The following SV2C variants were observed in gnomAD, a reference collection of about 807,000 sequenced individuals.
The protein encoded by SV2C is synaptic vesicle glycoprotein 2C.
Under a neutral mutation model 79.7 loss-of-function variants are expected in SV2C, and 49 were observed. The observed-to-expected ratio is 0.61, with a 90% confidence interval of 0.49 to 0.78. SV2C has a LOEUF of 0.78. Ranked by LOEUF, SV2C falls within the 30% of genes least tolerant of loss-of-function variation. The pLI, the probability that SV2C is intolerant of heterozygous loss-of-function variation, is 0.00. For synonymous variants in SV2C, 334 were observed against 333.2 expected (o/e 1.00, Z -0.03); for missense variants, 833 against 912.9 (o/e 0.91, Z 1.13).
In SV2C at chr5:76,297,428, G is replaced by A. The variant is rs547567142; in HGVS notation, c.1503-1366G>A. Among the ~76,000 whole-genome samples the A allele has an allele frequency of 3.3e-5, 5 of 152,218 alleles. No homozygotes were observed. The South Asian group carries it at 1.0e-3, about 32-fold the overall frequency. The stretch of plus-strand genomic sequence containing the variant: ...GAACTTGTGGCCTGGGGATGGATGG[G>A]AAAAGACTGACTTTTTCCATTTTCA... On this transcript the variant is annotated intron_variant, in intron 9 of 12. Coordinates refer to ENST00000502798, the MANE Select transcript of SV2C (RefSeq NM_014979.4).
chr5:76,092,397 A>G (rs972980185), intron 1 of SV2C, among the ~76,000 whole-genome samples: 1 of 152,170 alleles, frequency 6.6e-6, no homozygotes, highest in Non-Finnish European at 1.5e-5. Context: ...TTTTCCAGGC[A>G]ATAATGTAGG....
intron 2 of SV2C, among the ~76,000 whole-genome samples, chr5:76,194,032 C>T (rs909936856): frequency 1.3e-5 from 2 of 152,140 alleles, no homozygotes; most frequent in Non-Finnish European, 2.9e-5. Context: ...TTGTGTTACT[C>T]ATGCTTTCTG....
intron 12 of SV2C, among the ~76,000 whole-genome samples, chr5:76,311,942 T>A (rs993145211): frequency 6.6e-6 from 1 of 152,170 alleles, no homozygotes; most frequent in Non-Finnish European, 1.5e-5. Flanking sequence ...ATACCCTAAC[T>A]GGGAAAAATA....
At chr5:76,223,699 C>T (rs1745159787) in intron 4 of SV2C, among the ~76,000 whole-genome samples, 1 of 151,824 alleles carries the variant, frequency 6.6e-6, no homozygotes, top group South Asian at 2.1e-4. Flanking sequence ...ACCCCCAACC[C>T]CTTATTACTC....
intron 2 of SV2C, among the ~76,000 whole-genome samples, chr5:76,187,865 T>C (rs2112313920): frequency 6.6e-6 from 1 of 152,358 alleles, no homozygotes; most frequent in Middle Eastern, 3.4e-3. Context: ...CATTCCACTT[T>C]TTCTACCATT....
Position 76,325,394 on chromosome 5 carries a change from A to G in SV2C, c.2031A>G (p.Leu677=). Residue 677 remains leucine, a synonymous_variant, in exon 13 of 13, where the codon CTA becomes CTG. Transcript: ENST00000502798. The stretch of plus-strand genomic sequence containing the variant: ...CAGGCTTTGGCTTCTTAAATGCGCT[A>G]TGCAAGGCAGCAGCCGTCCTGGGAA... ...RATGFGFLNA[L]CKAAAVLGNL... is the part of the protein sequence containing the mutation. 1 of 1,614,204 alleles carries G rather than the reference A, an allele frequency of 6.2e-7. No homozygotes were observed. Among genetic ancestry groups the G allele is most frequent in the African/African-American group, 1.3e-5 (1 of 75,050 alleles).
chr5:76,208,735 A>G (rs1163541775), intron 3 of SV2C, among the ~76,000 whole-genome samples: 1 of 152,216 alleles, frequency 6.6e-6, no homozygotes, highest in Non-Finnish European at 1.5e-5. Flanking sequence ...CACACTTCCT[A>G]ACTCTATTAG....
intron 3 of SV2C, among the ~76,000 whole-genome samples, chr5:76,205,652 C>T (rs1744586205): frequency 1.3e-5 from 2 of 152,104 alleles, no homozygotes; most frequent in African/African-American, 4.8e-5. Flanking sequence ...AAGGTCTCCA[C>T]GTAAACTGGA....
the SV2C span, among the ~76,000 whole-genome samples, chr5:76,071,725 G>A: frequency 3.3e-5 from 5 of 152,214 alleles, no homozygotes; most frequent in South Asian, 1.0e-3. Context: ...GCTAGATCAT[G>A]TAGGGAAATC....
the SV2C span, among the ~76,000 whole-genome samples, chr5:75,965,949 C>T: frequency 1.3e-5 from 2 of 152,284 alleles, no homozygotes; most frequent in East Asian, 1.9e-4. Context: ...TTCAGTTTGT[C>T]AGCTTTGGAG....
At chr5:75,950,143 A>C in the SV2C span, among the ~76,000 whole-genome samples, 5 of 152,226 alleles carry the variant, frequency 3.3e-5, no homozygotes, top group South Asian at 1.0e-3. Flanking sequence ...TACGCATTGC[A>C]AAAATCCAAG....
At chr5:75,993,232 A>C in the SV2C span, among the ~76,000 whole-genome samples, 3 of 152,092 alleles carry the variant, frequency 2.0e-5, no homozygotes, top group Non-Finnish European at 4.4e-5. Flanking sequence ...AACCAAAAGT[A>C]AGAGAGTTTT....
chr5:76,222,538 A>C (rs1428962045), intron 4 of SV2C, among the ~76,000 whole-genome samples: 1 of 152,066 alleles, frequency 6.6e-6, no homozygotes, highest in Admixed American at 6.5e-5. Flanking sequence ...CTTGGTTTTC[A>C]ATATGGTTAT....
the SV2C span, among the ~76,000 whole-genome samples, chr5:76,000,890 C>T: frequency 2.6e-5 from 4 of 152,044 alleles, no homozygotes; most frequent in Non-Finnish European, 4.4e-5. Context: ...TTATTCAGAA[C>T]ACTGATTTTC....
At chr5:75,910,016 C>CA in the SV2C span, among the ~76,000 whole-genome samples, 1 of 152,192 alleles carries the variant, frequency 6.6e-6, no homozygotes, top group South Asian at 2.1e-4. Flanking sequence ...CATCTTCAGG[C>CA]AGGGCCCACC....
the SV2C span, among the ~76,000 whole-genome samples, chr5:75,977,052 T>C: frequency 6.6e-6 from 1 of 152,222 alleles, no homozygotes; most frequent in South Asian, 2.1e-4. Context: ...AGAAAAATTA[T>C]TTATAGTCTA....
At chr5:76,335,414 CTTTTTTTTTTTTTTT>C (rs869230352), downstream of SV2C, among the ~76,000 whole-genome samples, 2 of 98,114 alleles carry the variant, frequency 2.0e-5, no homozygotes, top group Non-Finnish European at 1.9e-5. Flanking sequence ...ACACATTTTC[CTTTTTTTTTTTTTTT>C]TTTTTTTTTT....
At chr5:76,163,052 C>T (rs1317550220) in intron 2 of SV2C, among the ~76,000 whole-genome samples, 2 of 152,162 alleles carry the variant, frequency 1.3e-5, no homozygotes, top group Non-Finnish European at 2.9e-5. Context: ...GCCTTGGACA[C>T]CTCCAAACAG....
intron 1 of SV2C, among the ~76,000 whole-genome samples, chr5:76,108,902 A>G (rs958241219): frequency 1.3e-5 from 2 of 152,218 alleles, no homozygotes; most frequent in Non-Finnish European, 1.5e-5. Flanking sequence ...GTTTTCTTGT[A>G]TCTCAACATT....
Sources: gnomAD v4.1 joint callset for allele counts (sites outside exome capture counted in the v4.1 genomes callset) on GRCh38, gnomAD v4.1.1 for gene constraint, MANE v1.5 for transcripts, NCBI Gene and HGNC (gene_info 2026-07-23, HGNC 2026-07-21) for gene names.